The following VCL variants were observed in gnomAD, a reference collection of about 807,000 sequenced individuals.
VCL encodes epididymis luminal protein 114.
Under a neutral mutation model 125.7 loss-of-function variants are expected in VCL, and 47 were observed. That is an observed-to-expected ratio of 0.37 (90% CI 0.30 to 0.48). VCL has a LOEUF of 0.48. Ranked by LOEUF, VCL falls within the 20% of genes least tolerant of loss-of-function variation. The probability of loss-of-function intolerance (pLI) is 0.99; values close to 1 mark genes in which losing one functional copy is unlikely to be tolerated. For missense variants in VCL, 1,069 were observed against 1,455.5 expected (o/e 0.73, Z 4.32); for synonymous variants, 458 against 514.6 (o/e 0.89, Z 1.49).
chr10:74,031,868 C>T (rs1451008897), intron 1 of VCL, among the ~76,000 whole-genome samples: 4 of 151,854 alleles, frequency 2.6e-5, no homozygotes, highest in Non-Finnish European at 4.4e-5. Context: ...AGTTCCAGAC[C>T]AGCCTGACCA....
intron 14 of VCL, 47 bp downstream of exon 14, chr10:74,101,144 AT>A: frequency 6.3e-7 from 1 of 1,593,698 alleles, no homozygotes; most frequent in Non-Finnish European, 8.6e-7. Context: ...AAGAAAGTTA[AT>A]TACAGAACAG....
intron 14 of VCL, among the ~76,000 whole-genome samples, chr10:74,102,293 G>A (rs1440788295): frequency 1.5e-5 from 2 of 136,438 alleles, no homozygotes; most frequent in South Asian, 2.3e-4. Flanking sequence ...TACTTATTGT[G>A]TAACAAGGCA....
chr10:74,105,252 A>G lies in VCL; in HGVS notation c.2333A>G (p.Lys778Arg), dbSNP rs1840113120. Residue 778 changes from lysine to arginine, a missense_variant, in exon 16 of 22, where the codon AAG becomes AGG. Physicochemically the swap from Lys to Arg is conservative, Grantham distance 26 (BLOSUM62 2). Transcript: ENST00000211998. ...KREVENSEDP[K>R]FREAVKAASD... ...GAGGTGGAGAATTCCGAGGATCCCA[A>G]GTTCCGTGAGGCTGTGAAAGCTGCC... 6.2e-7 allele frequency: 1 copy of G among 1,613,988 alleles called. No homozygotes were observed. The highest frequency in any genetic ancestry group is 1.3e-5 in the African/African-American group (1 of 74,924).
At chr10:74,117,562 G>A (rs979722378) in intron 21 of VCL, among the ~76,000 whole-genome samples, 8 of 152,190 alleles carry the variant, frequency 5.3e-5, no homozygotes, top group African/African-American at 1.4e-4. Context: ...GCTGAGGCAG[G>A]AGGATCCTTG....
chr10:74,079,895 A>G (rs1469139285), intron 6 of VCL, among the ~76,000 whole-genome samples: 1 of 152,208 alleles, frequency 6.6e-6, no homozygotes, highest in Non-Finnish European at 1.5e-5. Flanking sequence ...TGAAAGTCGC[A>G]GTTATTAAAT....
chr10:74,014,027 C>T (rs542466344), intron 1 of VCL, among the ~76,000 whole-genome samples: 3 of 152,266 alleles, frequency 2.0e-5, no homozygotes, highest in South Asian at 2.1e-4. Flanking sequence ...GGGAAAATAT[C>T]ACAGTTTTAG....
At chr10:74,035,499 T>C (rs1840957462) in intron 1 of VCL, among the ~76,000 whole-genome samples, 1 of 152,188 alleles carries the variant, frequency 6.6e-6, no homozygotes, top group Admixed American at 6.5e-5. Context: ...AGGCCTCTTA[T>C]TCATTCACTA....
Position 74,089,882 on chromosome 10 carries a change from CCATA to C in VCL, c.1177-138_1177-135del, listed in dbSNP as rs1215771043. ...GATTGAGTTTCTTATCTAAGAACCTCCATACAATAATAAAGATCAGAATTATAAA... is the reference window on the plus strand; with the variant it reads ...GATTGAGTTTCTTATCTAAGAACCTCCAATAATAAAGATCAGAATTATAAA... On this transcript the variant is annotated intron_variant, in intron 9 of 21. Coordinates refer to ENST00000211998, the MANE Select transcript of VCL (RefSeq NM_014000.3). The C allele has an allele frequency of 1.4e-5, 13 of 959,406 alleles. No homozygotes were observed. In the East Asian group the frequency reaches 2.9e-4, roughly 21 times the overall value. The allele number at this position is 959,406 out of a possible 1,614,324, so 59.4% of individuals were successfully genotyped here. A position where few individuals can be genotyped will look rare whatever the true frequency, so the allele number is the denominator to read the frequency against.
chr10:74,072,550 T>C (rs1841677634), intron 4 of VCL, among the ~76,000 whole-genome samples, 180 bp from the exon 5 acceptor site: 1 of 152,256 alleles, frequency 6.6e-6, no homozygotes, highest in African/African-American at 2.4e-5. Flanking sequence ...ATTTAATACA[T>C]TACTTTCATT....
chr10:74,052,498 C>G (rs1841320215), intron 2 of VCL, among the ~76,000 whole-genome samples: 1 of 151,454 alleles, frequency 6.6e-6, no homozygotes, highest in Non-Finnish European at 1.5e-5. Flanking sequence ...TGCCTCAGCC[C>G]CGCAAGTAGC....
intron 1 of VCL, among the ~76,000 whole-genome samples, chr10:74,009,412 C>A (rs1213067844): frequency 3.3e-5 from 5 of 151,870 alleles, no homozygotes; most frequent in South Asian, 4.2e-4. Context: ...GCGCCTGCCA[C>A]CACGCCCGGC....
chr10:74,069,598 A>G (rs183077535), intron 2 of VCL, among the ~76,000 whole-genome samples: 138 of 152,278 alleles, frequency 9.1e-4, no homozygotes, highest in African/African-American at 3.2e-3. Context: ...TTTGCAGGTG[A>G]CATTTTCTAT....
chr10:74,083,785 A>G (rs990214807), intron 8 of VCL, among the ~76,000 whole-genome samples: 1 of 151,758 alleles, frequency 6.6e-6, no homozygotes, highest in Non-Finnish European at 1.5e-5. Context: ...TCCACCTCCC[A>G]GGTTCAAGAG....
intron 2 of VCL, among the ~76,000 whole-genome samples, chr10:74,052,238 C>T (rs80068231): frequency 0.067 from 10,238 of 152,074 alleles, 1,178 homozygotes; most frequent in African/African-American, 0.23. Flanking sequence ...CACGCCCTGC[C>T]TCTGGAATTG....
intron 1 of VCL, among the ~76,000 whole-genome samples, chr10:73,999,703 C>G (rs1198037606): frequency 2.0e-5 from 3 of 152,152 alleles, no homozygotes; most frequent in Non-Finnish European, 2.9e-5. Flanking sequence ...TGGACTGTCT[C>G]AAGCAATTTA....
At chr10:74,074,591 A>G in intron 5 of VCL, 152 bp from the exon 6 acceptor site, 2 of 839,948 alleles carry the variant, frequency 2.4e-6, no homozygotes, top group Non-Finnish European at 3.6e-6. Context: ...TTAATGTTGG[A>G]ACTTTATTGT....
chr10:74,019,163 T>C (rs1840614352), intron 1 of VCL, among the ~76,000 whole-genome samples: 1 of 152,204 alleles, frequency 6.6e-6, no homozygotes, highest in Non-Finnish European at 1.5e-5. Flanking sequence ...TGCAAGTACA[T>C]TTACAGGATA....
rs759809781 is a variant in VCL, at chr10:74,074,907, C to T, written c.783+4C>T. 1.2e-6 allele frequency: 2 copies of T among 1,614,074 alleles called. No homozygotes were observed. The highest frequency in any genetic ancestry group is 1.7e-6 in the Non-Finnish European group (2 of 1,179,990). Reference sequence around the variant, plus strand: ...TGAAGATGCCTGGGCCAGCAAGGTACGTGTTCTTAGTGGAGAAATAAGCAA... The same window carrying T: ...TGAAGATGCCTGGGCCAGCAAGGTATGTGTTCTTAGTGGAGAAATAAGCAA... On this transcript the variant is annotated splice_donor_region_variant and intron_variant, in intron 6 of 21. Transcript: ENST00000211998.
intron 6 of VCL, among the ~76,000 whole-genome samples, chr10:74,077,975 G>A (rs1043464080): frequency 6.6e-6 from 1 of 151,852 alleles, no homozygotes; most frequent in Non-Finnish European, 1.5e-5. Flanking sequence ...AATTAGGTTA[G>A]CATTTTTTTC....
Sources: gnomAD v4.1 joint callset for allele counts (sites outside exome capture counted in the v4.1 genomes callset) on GRCh38, gnomAD v4.1.1 for gene constraint, MANE v1.5 for transcripts, NCBI Gene and HGNC (gene_info 2026-07-23, HGNC 2026-07-21) for gene names.